The following ACACB variants were observed in gnomAD, a reference collection of about 807,000 sequenced individuals.
ACACB encodes acetyl-CoA carboxylase 2.
ACACB carries 209 observed loss-of-function variants against 278.8 expected under a neutral mutation model. The ratio of observed to expected loss-of-function variants is 0.75; its 90% CI spans 0.67 to 0.84. The LOEUF is 0.84. Ranked by LOEUF, ACACB falls within the 40% of genes least tolerant of loss-of-function variation. ACACB has a pLI of 0.00. For synonymous variants in ACACB, 1,174 were observed against 1,285.6 expected, an observed-to-expected ratio of 0.91 and a Z score of 1.86; for missense variants, 2,850 against 3,269.0, an observed-to-expected ratio of 0.87 and a Z score of 3.13.
In ACACB at chr12:109,191,653, G is replaced by A; in HGVS notation, c.2185G>A (p.Asp729Asn). Residue 729 changes from aspartate (D) to asparagine (N), a missense_variant, in exon 14 of 53, where the codon GAC becomes AAC. Physicochemically the swap from Asp to Asn is conservative, Grantham distance 23. Transcript: ENST00000338432. The stretch of plus-strand genomic sequence containing the variant: ...TTTGAAGGAACTGTCCATCCGAGGC[G>A]ACTTTAGGACTACCGTGGAATACCT... Reference protein sequence around the residue: ...VALKELSIRGDFRTTVEYLIN... With the variant: ...VALKELSIRGNFRTTVEYLIN... 6.2e-7 allele frequency: 1 copy of A among 1,614,142 alleles called. No individual in the cohort carries two copies. Among genetic ancestry groups the A allele is most frequent in the Non-Finnish European group, 8.5e-7 (1 of 1,180,010 alleles).
At chr12:109,240,052 G>A (rs1440431538) in intron 35 of ACACB, 67 bp downstream of exon 35, 3 of 1,544,340 alleles carry the variant, frequency 1.9e-6, no homozygotes, top group Non-Finnish European at 2.6e-6. Context: ...CTGCTTTGGG[G>A]TATTGTCTCT....
chr12:109,210,511 G>A (rs1321375124), intron 21 of ACACB, among the ~76,000 whole-genome samples: 4 of 145,802 alleles, frequency 2.7e-5, no homozygotes, highest in East Asian at 2.0e-4. Context: ...GTGTATATAC[G>A]CACATACATG....
chr12:109,120,563 G>T (rs998849584), intron 1 of ACACB, among the ~76,000 whole-genome samples: 1 of 152,048 alleles, frequency 6.6e-6, no homozygotes, highest in African/African-American at 2.4e-5. Context: ...GCATGCATGT[G>T]TGTGTGTATG....
Position 109,140,229 on chromosome 12 carries a change from TC to T in ACACB, c.653+173del, listed in dbSNP as rs1462884534. On this transcript the variant is annotated intron_variant, in intron 2 of 52. Coordinates refer to ENST00000338432, the MANE Select transcript of ACACB (RefSeq NM_001093.4). The stretch of plus-strand genomic sequence containing the variant: ...CTTCTCAGAAGTTTCCTTCCTTCCT[TC>T]CTTCCTTCCTTCCTTCCTTCCTTCC... 4.8e-3 allele frequency among the ~76,000 whole-genome samples: 638 copies of T among 131,848 alleles called. 34 individuals carry two copies. Among genetic ancestry groups the T allele is most frequent in the African/African-American group, 0.016 (602 of 36,804 alleles). The allele number at this position is 131,848 out of a possible 152,430, so 86.5% of individuals were successfully genotyped here.
chr12:109,115,594 G>A (rs200394832), upstream of ACACB, among the ~76,000 whole-genome samples: 3,242 of 146,026 alleles, frequency 0.022, 316 homozygotes, highest in Admixed American at 0.17. Flanking sequence ...CCTTCACCCC[G>A]GTTCCTGTAA....
chr12:109,136,537 T>C lies in ACACB; in HGVS notation c.-9-2860T>C, dbSNP rs539705100. 3.3e-5 allele frequency among the ~76,000 whole-genome samples: 5 copies of C among 152,334 alleles called. No individual in the cohort carries two copies. In the East Asian group the frequency reaches 9.6e-4, roughly 29 times the overall value. On this transcript the variant is annotated intron_variant, in intron 1 of 52. Coordinates refer to ENST00000338432, the MANE Select transcript of ACACB (RefSeq NM_001093.4). ...AGGAAACAAGTGTGATAGGCAATAA[T>C]AGAAAAAGGAAACATTGAAATTAAA...
At chr12:109,238,011 CAA>C (rs538671568) in intron 34 of ACACB, among the ~76,000 whole-genome samples, 664 of 61,220 alleles carry the variant, frequency 0.011, 5 homozygotes, top group African/African-American at 0.036. Flanking sequence ...GACCCTATCA[CAA>C]AAAAAAAAAA....
At chr12:109,222,744 G>A (rs1289178392) in intron 25 of ACACB, 55 bp from the exon 26 acceptor site, 3 of 1,565,644 alleles carry the variant, frequency 1.9e-6, no homozygotes, top group South Asian at 2.2e-5. Context: ...CCGAGCCTCT[G>A]CCTTCTGCCC....
chr12:109,111,475 A>C, the ACACB span: 1 of 152,024 alleles, frequency 6.6e-6, no homozygotes, highest in East Asian at 1.9e-4. Flanking sequence ...AGGCTCAGGT[A>C]GTGGGGGCTG....
chr12:109,147,285 CTG>C (rs1259233770), intron 2 of ACACB, among the ~76,000 whole-genome samples: 1 of 151,816 alleles, frequency 6.6e-6, no homozygotes, highest in Non-Finnish European at 1.5e-5. Flanking sequence ...GGCTGGAGTG[CTG>C]TGGTGTGATC....
At chr12:109,117,555 C>T (rs1292547298) in intron 1 of ACACB, among the ~76,000 whole-genome samples, 1 of 152,052 alleles carries the variant, frequency 6.6e-6, no homozygotes, top group East Asian at 1.9e-4. Context: ...CTGTCTAACC[C>T]TCCTCCTCCA....
At chr12:109,243,522 C>A (rs1428736186) in intron 37 of ACACB, among the ~76,000 whole-genome samples, 1 of 152,110 alleles carries the variant, frequency 6.6e-6, no homozygotes, top group African/African-American at 2.4e-5. Flanking sequence ...TTGCTTGAAC[C>A]CGGGAGGTGG....
At chr12:109,208,102 G>C (rs1324824269) in intron 20 of ACACB, among the ~76,000 whole-genome samples, 1 of 152,154 alleles carries the variant, frequency 6.6e-6, no homozygotes, top group Non-Finnish European at 1.5e-5. Flanking sequence ...GAGACTTGCT[G>C]TGCTTCATAC....
intron 18 of ACACB, 111 bp from the exon 19 acceptor site, chr12:109,201,456 G>A (rs937629027): frequency 3.2e-5 from 42 of 1,302,106 alleles, no homozygotes; most frequent in Middle Eastern, 2.0e-4. Context: ...TCATTCTGGC[G>A]CGTCCCTGGG....
intron 2 of ACACB, among the ~76,000 whole-genome samples, chr12:109,145,869 C>T (rs577655379): frequency 2.6e-5 from 4 of 151,488 alleles, no homozygotes; most frequent in African/African-American, 9.7e-5. Flanking sequence ...ATTAGCTGGG[C>T]GTGGTGGCAG....
At chr12:109,263,041 G>A (rs2047426198) in intron 49 of ACACB, 3 of 144,916 alleles carry the variant, frequency 2.1e-5, no homozygotes, top group South Asian at 2.2e-4. Flanking sequence ...AGTATTTGGG[G>A]CTGATGGGGA....
intron 13 of ACACB, 53 bp from the exon 14 acceptor site, chr12:109,191,560 C>G (rs1372747506): frequency 6.2e-7 from 1 of 1,603,610 alleles, no homozygotes; most frequent in African/African-American, 1.3e-5. Flanking sequence ...TGCAGCAACT[C>G]TGTTGATGTA....
rs2046201505 is a variant in ACACB, at chr12:109,222,551, C to G, written c.3609C>G (p.Ile1203Met). ...GPDPSLSDELISILNELTQLS... is the reference protein window; with the variant it reads ...GPDPSLSDELMSILNELTQLS... Reference sequence around the variant, plus strand: ...ACCCTTCCCTGTCGGACGAGCTGATCTCCATCCTCAACGAGCTCACTCAGC... The same window carrying G: ...ACCCTTCCCTGTCGGACGAGCTGATGTCCATCCTCAACGAGCTCACTCAGC... The change falls in exon 25 of 53, where the codon ATC becomes ATG. Residue 1203 changes from isoleucine (I) to methionine (M), a missense_variant. Coordinates refer to ENST00000338432, the MANE Select transcript of ACACB (RefSeq NM_001093.4). 5.0e-6 allele frequency: 8 copies of G among 1,614,182 alleles called. No individual in the cohort carries two copies. The highest frequency in any genetic ancestry group is 1.3e-5 in the African/African-American group (1 of 75,042).
intron 2 of ACACB, among the ~76,000 whole-genome samples, chr12:109,140,438 C>G (rs2043095490): frequency 7.2e-5 from 11 of 152,068 alleles, no homozygotes; most frequent in Admixed American, 7.2e-4. Flanking sequence ...AGGCAGATCA[C>G]TTGAGGTCGG....
Sources: gnomAD v4.1 joint callset for allele counts (sites outside exome capture counted in the v4.1 genomes callset) on GRCh38, gnomAD v4.1.1 for gene constraint, MANE v1.5 for transcripts, NCBI Gene and HGNC (gene_info 2026-07-23, HGNC 2026-07-21) for gene names.